Variants in WWOX observed in about 807,000 individuals in gnomAD.
WWOX encodes WW domain containing oxidoreductase, also known as WW domain-containing oxidoreductase.
In WWOX, 69 loss-of-function variants were observed where a neutral mutation model predicts 46.2. The ratio of observed to expected loss-of-function variants is 1.49; its 90% CI spans 1.23 to 1.82. WWOX has a LOEUF of 1.82. Among genes scored for constraint, WWOX ranks in the 40% most tolerant of loss-of-function variants. WWOX has a pLI of 0.00. For synonymous variants in WWOX, 359 were observed against 202.6 expected (o/e 1.77, Z -6.56); for missense variants, 919 against 542.6 (o/e 1.69, Z -6.89).
intron 5 of WWOX, among the ~76,000 whole-genome samples, chr16:78,340,728 C>G (rs1451896419): frequency 8.5e-6 from 1 of 118,194 alleles, no homozygotes; most frequent in Non-Finnish European, 2.0e-5. Flanking sequence ...ACAGAAGGAT[C>G]TTCTTATCTT....
chr16:78,720,289 A>T (rs1317970792), intron 8 of WWOX, among the ~76,000 whole-genome samples: 13 of 146,392 alleles, frequency 8.9e-5, no homozygotes. Flanking sequence ...TAATCATCTG[A>T]ACCTGACGGT....
intron 8 of WWOX, among the ~76,000 whole-genome samples, chr16:79,181,678 G>A (rs2050914867): frequency 6.6e-6 from 1 of 152,016 alleles, no homozygotes; most frequent in Non-Finnish European, 1.5e-5. Context: ...AAATAATGCT[G>A]AGATGAACAT....
intron 8 of WWOX, among the ~76,000 whole-genome samples, chr16:78,754,838 C>A (rs532983585): frequency 3.7e-4 from 57 of 152,284 alleles, no homozygotes; most frequent in African/African-American, 1.3e-3. Context: ...GGGAGCTGTA[C>A]TACCTCAGCT....
At chr16:79,017,755 A>G (rs1489775106) in intron 8 of WWOX, among the ~76,000 whole-genome samples, 1 of 151,806 alleles carries the variant, frequency 6.6e-6, no homozygotes, top group Non-Finnish European at 1.5e-5. Context: ...TTATTTTGTC[A>G]TGGCACGTTT....
At chr16:78,758,235 A>G (rs1464161314) in intron 8 of WWOX, among the ~76,000 whole-genome samples, 3 of 152,224 alleles carry the variant, frequency 2.0e-5, no homozygotes, top group South Asian at 2.1e-4. Context: ...AAATAGAACT[A>G]TAGTAATTCC....
chr16:79,047,483 G>T (rs753658784), intron 8 of WWOX, among the ~76,000 whole-genome samples: 4 of 151,968 alleles, frequency 2.6e-5, no homozygotes, highest in African/African-American at 9.7e-5. Flanking sequence ...CTGGCATATA[G>T]AAATGATGTC....
At chr16:78,222,250 T>G (rs957492331) in intron 5 of WWOX, among the ~76,000 whole-genome samples, 3 of 151,828 alleles carry the variant, frequency 2.0e-5, no homozygotes, top group Non-Finnish European at 2.9e-5. Flanking sequence ...AGGCCAAGTG[T>G]TTTCCAGTTC....
At chr16:78,776,347 C>T (rs1309574230) in intron 8 of WWOX, among the ~76,000 whole-genome samples, 3 of 151,868 alleles carry the variant, frequency 2.0e-5, no homozygotes, top group Non-Finnish European at 4.4e-5. Flanking sequence ...CGTGCGAAGC[C>T]CCTCTGCCTG....
chr16:78,422,989 G>A (rs1374222601), intron 6 of WWOX, among the ~76,000 whole-genome samples: 2 of 151,226 alleles, frequency 1.3e-5, no homozygotes, highest in Non-Finnish European at 2.9e-5. Context: ...GGGTTCAAGT[G>A]ATTCTCCTGC....
At chr16:78,700,137 A>C (rs2048181307) in intron 8 of WWOX, among the ~76,000 whole-genome samples, 1 of 150,866 alleles carries the variant, frequency 6.6e-6, no homozygotes, top group South Asian at 2.1e-4. Flanking sequence ...TGTCTTAGTC[A>C]GTCCAGGCTG....
chr16:78,466,944 C>T lies in WWOX; in HGVS notation c.1056+34192C>T, dbSNP rs1001074956. On this transcript the variant is annotated intron_variant, in intron 8 of 8. Transcript: ENST00000566780. ...AAATAATTGGGTTGTATGTAATGCC[C>T]AGTAAAGTAAACAGATCTTAGAGAG... 2.0e-5 allele frequency among the ~76,000 whole-genome samples: 3 copies of T among 151,952 alleles called. No individual in the cohort carries two copies. The East Asian group carries it at 5.8e-4, about 29-fold the overall frequency.
rs570468573 is a variant in WWOX at position 79,018,304 on chromosome 16, C to A, written c.1057-193304C>A. Among the ~76,000 whole-genome samples, 3 of 152,318 alleles carry A rather than the reference C, an allele frequency of 2.0e-5. No individual in the cohort carries two copies. The East Asian group carries it at 5.8e-4, about 29-fold the overall frequency. ...TTGTAATGGTGTAAATTATATCTGA[C>A]AGTTGTTAATTAAATACCTACTCAT... On this transcript the variant is annotated intron_variant, in intron 8 of 8. Coordinates refer to ENST00000566780, the MANE Select transcript of WWOX (RefSeq NM_016373.4).
In WWOX at chr16:78,762,423, T is replaced by C. The variant is rs111340328; in HGVS notation, c.1056+329671T>C. Among the ~76,000 whole-genome samples, 731 of 152,278 alleles carry C rather than the reference T, an allele frequency of 4.8e-3. 8 individuals are homozygous for C. The highest frequency in any genetic ancestry group is 0.016 in the African/African-American group (677 of 41,562). On this transcript the variant is annotated intron_variant, in intron 8 of 8. Transcript: ENST00000566780. ...GTGTGTACTTTAGAAGGGGAACTGC[T>C]CACCGCCCCCACTTCCCACTGAGTC... is the stretch of plus-strand genomic sequence containing the variant.
intron 8 of WWOX, among the ~76,000 whole-genome samples, chr16:78,730,753 C>G (rs1043735948): frequency 7.0e-4 from 106 of 151,904 alleles, no homozygotes; most frequent in African/African-American, 2.4e-3. Flanking sequence ...AACCACCAAC[C>G]CAGCCTCAGG....
intron 8 of WWOX, among the ~76,000 whole-genome samples, chr16:78,583,559 C>T (rs2045116572): frequency 6.6e-6 from 1 of 152,148 alleles, no homozygotes; most frequent in Non-Finnish European, 1.5e-5. Flanking sequence ...GCAGCAATTC[C>T]TTGAGAGGAG....
chr16:78,636,963 C>T (rs1056826395), intron 8 of WWOX, among the ~76,000 whole-genome samples: 11 of 152,168 alleles, frequency 7.2e-5, no homozygotes, highest in African/African-American at 2.7e-4. Context: ...TGGACGCGTT[C>T]CCCTTGTCTG....
chr16:78,593,125 C>G (rs912668636), intron 8 of WWOX, among the ~76,000 whole-genome samples: 2 of 152,120 alleles, frequency 1.3e-5, no homozygotes, highest in East Asian at 3.9e-4. Flanking sequence ...GAGTTTGTGC[C>G]AAACCAGGTG....
intron 5 of WWOX, among the ~76,000 whole-genome samples, chr16:78,380,253 A>G (rs2081925512): frequency 6.6e-6 from 1 of 152,160 alleles, no homozygotes; most frequent in Non-Finnish European, 1.5e-5. Context: ...GGACAGGTAC[A>G]TAGTGTGGAC....
chr16:79,162,492 G>A (rs374928730), intron 8 of WWOX, among the ~76,000 whole-genome samples: 1 of 152,214 alleles, frequency 6.6e-6, no homozygotes, highest in East Asian at 1.9e-4. Flanking sequence ...TCCTCTAGTA[G>A]GCAACATTGA....
Sources: allele counts gnomAD v4.1 joint callset (sites outside exome capture counted in the v4.1 genomes callset), GRCh38; gene constraint gnomAD v4.1.1; transcripts MANE v1.5; gene names NCBI Gene and HGNC (gene_info 2026-07-23, HGNC 2026-07-21).